Variants in CAST observed in about 807,000 individuals in gnomAD.
CAST encodes MIR583 host.
In CAST, 76 loss-of-function variants were observed where a neutral mutation model predicts 119.6. That is an observed-to-expected ratio of 0.64 (90% CI 0.53 to 0.77). The LOEUF (loss-of-function observed/expected upper bound fraction) is 0.77. Among genes scored for constraint, CAST ranks in the 30% least tolerant of loss-of-function variants. The pLI, the probability that CAST is intolerant of heterozygous loss-of-function variation, is 0.00. For missense variants in CAST, 953 were observed against 946.5 expected, an observed-to-expected ratio of 1.01 and a Z score of -0.09; for synonymous variants, 319 against 331.6, an observed-to-expected ratio of 0.96 and a Z score of 0.41.
the CAST span, chr5:96,397,429 T>C: frequency 6.2e-7 from 1 of 1,612,770 alleles, no homozygotes. Context: ...CATTAGGAGA[T>C]GTATCCCGTT....
At chr5:96,484,016 A>T in the CAST span, among the ~76,000 whole-genome samples, 2 of 152,160 alleles carry the variant, frequency 1.3e-5, no homozygotes, top group African/African-American at 4.8e-5. Context: ...GCAATTAACT[A>T]TCCTTAGTGC....
In CAST at chr5:96,747,355, G is replaced by T. The variant is rs1232726669; in HGVS notation, c.1295G>T (p.Gly432Val). Residue 432 changes from glycine to valine, a missense_variant, in exon 18 of 32, where the codon GGA (glycine) becomes GTA (valine). By Grantham distance (109) the Gly-to-Val change is moderately radical. Transcript: ENST00000675179. ...YRLKPATDKD[G>V]KPLLPEPEEK... Reference sequence around the variant, plus strand: ...TAATTTCATTTACAGGATAAAGATGGAAAACCACTATTGCCAGAGCCTGAA... The same window carrying T: ...TAATTTCATTTACAGGATAAAGATGTAAAACCACTATTGCCAGAGCCTGAA... 1 of 1,599,712 alleles carries T rather than the reference G, an allele frequency of 6.3e-7. No homozygotes were observed. The highest frequency in any genetic ancestry group is 1.3e-5 in the African/African-American group (1 of 74,478).
chr5:96,068,513 G>T, the CAST span, among the ~76,000 whole-genome samples: 1 of 151,516 alleles, frequency 6.6e-6, no homozygotes, highest in Non-Finnish European at 1.5e-5. Flanking sequence ...CTAAACATCT[G>T]ATATGGGAAC....
At chr5:96,692,894 TA>T (rs1752890594) in intron 2 of CAST, among the ~76,000 whole-genome samples, 1 of 152,204 alleles carries the variant, frequency 6.6e-6, no homozygotes, top group Non-Finnish European at 1.5e-5. Flanking sequence ...TTGCCTAGAA[TA>T]GGACCAGGCT....
chr5:96,198,218 A>G, the CAST span, among the ~76,000 whole-genome samples: 2 of 152,122 alleles, frequency 1.3e-5, no homozygotes, highest in African/African-American at 4.8e-5. Flanking sequence ...TCCTGTCTCT[A>G]TCCCCTCCAT....
chr5:96,005,212 C>G, the CAST span, among the ~76,000 whole-genome samples: 1 of 152,134 alleles, frequency 6.6e-6, no homozygotes, highest in Non-Finnish European at 1.5e-5. Flanking sequence ...AAAGATGAAG[C>G]CCCAAAGTCC....
the CAST span, among the ~76,000 whole-genome samples, chr5:96,499,080 G>A: frequency 3.3e-5 from 5 of 150,920 alleles, 1 homozygote; most frequent in South Asian, 1.0e-3. Context: ...GCAAGCTTAG[G>A]GTTAAACAAA....
At chr5:96,701,866 G>A (rs1256945329) in intron 3 of CAST, among the ~76,000 whole-genome samples, 3 of 151,632 alleles carry the variant, frequency 2.0e-5, no homozygotes, top group Non-Finnish European at 2.9e-5. Flanking sequence ...GAATCTTAAA[G>A]TTGGAAGGGC....
chr5:96,068,593 A>ATGTGTGTGTGTGTGTGTGTGTG, the CAST span, among the ~76,000 whole-genome samples: 2 of 142,182 alleles, frequency 1.4e-5, no homozygotes, highest in African/African-American at 5.2e-5. Context: ...CAATAGGATT[A>ATGTGTGTGTGTGTGTGTGTGTG]TGTGTGTGTG....
chr5:96,664,902 C>T (rs1749120596), intron 1 of CAST, among the ~76,000 whole-genome samples: 2 of 152,076 alleles, frequency 1.3e-5, no homozygotes, highest in Admixed American at 1.3e-4. Flanking sequence ...CAAAATGTAC[C>T]ATGTACCTTA....
chr5:96,271,766 T>C, the CAST span, among the ~76,000 whole-genome samples: 1 of 151,608 alleles, frequency 6.6e-6, no homozygotes, highest in Non-Finnish European at 1.5e-5. Flanking sequence ...AATGGAGTTA[T>C]ATGAAGCTAA....
intron 1 of CAST, among the ~76,000 whole-genome samples, chr5:96,575,171 T>C (rs60479856): frequency 0.012 from 1,794 of 152,198 alleles, 45 homozygotes; most frequent in African/African-American, 0.041. Context: ...TTTGGAGGAA[T>C]TGCAATGGTA....
At chr5:96,324,344 C>T in the CAST span, among the ~76,000 whole-genome samples, 1 of 152,204 alleles carries the variant, frequency 6.6e-6, no homozygotes, top group Non-Finnish European at 1.5e-5. Flanking sequence ...AATCTTACTA[C>T]CTTAACTTAT....
chr5:96,382,451 G>A, the CAST span, among the ~76,000 whole-genome samples: 1 of 152,144 alleles, frequency 6.6e-6, no homozygotes, highest in African/African-American at 2.4e-5. Flanking sequence ...TCCTCCCTGG[G>A]CATCAGCTAT....
At chr5:96,304,353 T>C in the CAST span, among the ~76,000 whole-genome samples, 2 of 152,232 alleles carry the variant, frequency 1.3e-5, no homozygotes, top group African/African-American at 4.8e-5. Flanking sequence ...ATATTAGCCC[T>C]TTGTCAGATG....
At chr5:96,528,793 G>A (rs1745639693), upstream of CAST, among the ~76,000 whole-genome samples, 1 of 152,214 alleles carries the variant, frequency 6.6e-6, no homozygotes, top group Non-Finnish European at 1.5e-5. Context: ...ATAATAGAAG[G>A]CTCTTGTAGT....
intron 1 of CAST, among the ~76,000 whole-genome samples, chr5:96,630,649 TGTG>T (rs1747804115): frequency 6.6e-6 from 1 of 151,758 alleles, no homozygotes; most frequent in Non-Finnish European, 1.5e-5. Context: ...AGCCAGTTGT[TGTG>T]GTGCATGCCT....
intron 1 of CAST, among the ~76,000 whole-genome samples, chr5:96,549,205 A>G (rs1409720168): frequency 2.0e-5 from 3 of 152,262 alleles, no homozygotes; most frequent in Admixed American, 6.5e-5. Flanking sequence ...CTACTAGCAC[A>G]TGAATACACA....
chr5:96,439,650 A>C, the CAST span, among the ~76,000 whole-genome samples: 1 of 152,156 alleles, frequency 6.6e-6, no homozygotes, highest in Non-Finnish European at 1.5e-5. Flanking sequence ...GCACAGTTAA[A>C]GGTGGAGGCT....
Sources: allele counts gnomAD v4.1 joint callset (sites outside exome capture counted in the v4.1 genomes callset), GRCh38; gene constraint gnomAD v4.1.1; transcripts MANE v1.5; gene names NCBI Gene and HGNC (gene_info 2026-07-23, HGNC 2026-07-21).